USP3: variants seen among roughly 807,000 people sequenced by gnomAD.
The protein encoded by USP3 is ubiquitin carboxyl-terminal hydrolase 3.
Under a neutral mutation model 72.3 loss-of-function variants are expected in USP3, and 20 were observed. That is an observed-to-expected ratio of 0.28 (90% CI 0.19 to 0.40). The LOEUF is 0.40. Ranked by LOEUF, USP3 falls within the 10% of genes least tolerant of loss-of-function variation. USP3 has a pLI of 1.00. For missense variants in USP3, 479 were observed against 633.9 expected (o/e 0.76, Z 2.62); for synonymous variants, 222 against 225.3 (o/e 0.99, Z 0.13).
rs999912263 is a variant in USP3 at position 63,591,909 on chromosome 15, G to C, written c.*1083G>C. ...GTTGGAGTAAGTAAGTGGAGTTTTC[G>C]TTTTGTTTTTTGGGGGTTTTTGGAG... On this transcript the variant is annotated 3_prime_UTR_variant, in exon 15 of 15. Transcript: ENST00000380324. The C allele has an allele frequency of 2.0e-5, 3 of 152,088 alleles. No homozygotes were observed. Among genetic ancestry groups the C allele is most frequent in the Admixed American group, 1.3e-4 (2 of 15,254 alleles). The allele number at this position is 152,088 out of a possible 1,614,324, so 9.4% of individuals were successfully genotyped here.
intron 11 of USP3, among the ~76,000 whole-genome samples, chr15:63,575,065 T>C (rs934990037): frequency 6.6e-6 from 1 of 151,894 alleles, no homozygotes; most frequent in Non-Finnish European, 1.5e-5. Context: ...TCAGAAACTC[T>C]ACACTGAAGC....
intron 11 of USP3, among the ~76,000 whole-genome samples, chr15:63,583,473 A>T (rs530485719): frequency 2.6e-5 from 4 of 152,310 alleles, no homozygotes; most frequent in South Asian, 2.1e-4. Context: ...ACAATTTTTT[A>T]AAAAATTGTG....
At chr15:63,509,431 C>T (rs929653611) in intron 1 of USP3, among the ~76,000 whole-genome samples, 5 of 152,064 alleles carry the variant, frequency 3.3e-5, no homozygotes, top group African/African-American at 9.7e-5. Context: ...AGTCAGTAAA[C>T]GTTGGCTGGA....
At chr15:63,577,804 C>T (rs2066888713) in intron 11 of USP3, among the ~76,000 whole-genome samples, 1 of 151,724 alleles carries the variant, frequency 6.6e-6, no homozygotes, top group African/African-American at 2.4e-5. Flanking sequence ...TGGTATATGC[C>T]TATAATCCCA....
rs559482403 is a variant in USP3, at chr15:63,553,466, A to G, written c.285-249A>G. ...CATGTAGCAGCTTATTTCATTTTCA[A>G]AGGAGGAATTGAAGAGCTTTTGAGT... is the stretch of plus-strand genomic sequence containing the variant. On this transcript the variant is annotated intron_variant, in intron 3 of 14. Coordinates refer to ENST00000380324, the MANE Select transcript of USP3 (RefSeq NM_006537.4). This position sits in a 1 kb window ranked among gnomAD's most constrained non-coding sequence, Gnocchi z 4.2. 7 of 322,420 alleles carry G rather than the reference A, an allele frequency of 2.2e-5. No individual in the cohort carries two copies. Among genetic ancestry groups the G allele is most frequent in the East Asian group, 1.1e-4 (2 of 18,856 alleles). The allele number at this position is 322,420 out of a possible 1,614,324, so 20.0% of individuals were successfully genotyped here. A position where few individuals can be genotyped will look rare whatever the true frequency, so the allele number is the denominator to read the frequency against.
At chr15:63,512,439 CCTTCTTTTTCTTT>C (rs1345710417) in intron 1 of USP3, among the ~76,000 whole-genome samples, 48 of 146,712 alleles carry the variant, frequency 3.3e-4, no homozygotes, top group Non-Finnish European at 2.7e-4. Context: ...CTTCTTTCTT[CCTTCTTTTTCTTT>C]CTTCTTTCTT....
intron 8 of USP3, among the ~76,000 whole-genome samples, chr15:63,566,560 G>A (rs1469802931): frequency 1.3e-5 from 2 of 152,122 alleles, no homozygotes; most frequent in African/African-American, 4.8e-5. Flanking sequence ...TGATCCACCC[G>A]TCTTGGCCTC....
At chr15:63,586,493 G>C (rs75434285) in intron 11 of USP3, 4,372 of 152,298 alleles carry the variant, frequency 0.029, 83 homozygotes, top group Non-Finnish European at 0.034. Flanking sequence ...GCTGAAGAAA[G>C]CACCCATGAC....
intron 1 of USP3, among the ~76,000 whole-genome samples, chr15:63,514,256 G>A (rs74024862): frequency 8.3e-4 from 125 of 151,274 alleles, no homozygotes; most frequent in African/African-American, 2.7e-3. Context: ...TTTTTTCTTC[G>A]AATATATAAT....
chr15:63,588,464 A>G lies in USP3; in HGVS notation c.1215+41A>G. 7.2e-7 allele frequency: 1 copy of G among 1,392,300 alleles called. No individual in the cohort carries two copies. The highest frequency in any genetic ancestry group is 1.2e-5 in the South Asian group (1 of 80,542). The allele number at this position is 1,392,300 out of a possible 1,614,324, so 86.2% of individuals were successfully genotyped here. A position where few individuals can be genotyped will look rare whatever the true frequency, so the allele number is the denominator to read the frequency against. On this transcript the variant is annotated intron_variant, in intron 12 of 14. Coordinates refer to ENST00000380324, the MANE Select transcript of USP3 (RefSeq NM_006537.4). This position sits in a 1 kb window ranked among gnomAD's most constrained non-coding sequence, Gnocchi z 4.6. ...TGAGTTATGAAGCAATTTCAATGGGAAAGTGCTTGACTGCTAAGACCATGT... is the reference window on the plus strand; with the variant it reads ...TGAGTTATGAAGCAATTTCAATGGGGAAGTGCTTGACTGCTAAGACCATGT...
In USP3 at chr15:63,563,437, G is replaced by T. The variant is rs548285161; in HGVS notation, c.761+429G>T. ...TCGGAGCTGAGTTCGGCAGCTCTGG[G>T]AAGGCTGTGGTCAAGCGCCTGGGAT... On this transcript the variant is annotated intron_variant, in intron 8 of 14. Transcript: ENST00000380324. Among the ~76,000 whole-genome samples the T allele has an allele frequency of 1.1e-3, 167 of 152,320 alleles. 1 individual carries two copies. Among genetic ancestry groups the T allele is most frequent in the African/African-American group, 3.9e-3 (164 of 41,560 alleles).
chr15:63,525,850 G>A (rs1392484741), intron 1 of USP3, among the ~76,000 whole-genome samples: 1 of 152,156 alleles, frequency 6.6e-6, no homozygotes, highest in Non-Finnish European at 1.5e-5. Context: ...CCAGTTTTAA[G>A]AGGAATAACA....
At chr15:63,555,336 C>T (rs2066492682) in intron 4 of USP3, among the ~76,000 whole-genome samples, 1 of 152,218 alleles carries the variant, frequency 6.6e-6, no homozygotes, top group Non-Finnish European at 1.5e-5. Context: ...ATTCCGCATG[C>T]CCCGTGGAGC....
At chr15:63,565,320 GC>G (rs1214656488) in intron 8 of USP3, among the ~76,000 whole-genome samples, 1 of 152,010 alleles carries the variant, frequency 6.6e-6, no homozygotes, top group Non-Finnish European at 1.5e-5. Context: ...GAAACTAAAA[GC>G]CAGTTACCTA....
At chr15:63,527,498 G>A (rs984446908) in intron 1 of USP3, among the ~76,000 whole-genome samples, 5 of 152,092 alleles carry the variant, frequency 3.3e-5, no homozygotes, top group African/African-American at 1.2e-4. Flanking sequence ...TGTCATAAGC[G>A]GTCATGTATG....
intron 7 of USP3, 120 bp downstream of exon 7, chr15:63,560,090 A>G: frequency 4.7e-6 from 4 of 853,020 alleles, no homozygotes; most frequent in Non-Finnish European, 7.0e-6. Flanking sequence ...TCTTCTAAAA[A>G]TTGTGTTTAA....
intron 1 of USP3, among the ~76,000 whole-genome samples, chr15:63,531,394 C>G (rs540084795): frequency 2.0e-5 from 3 of 152,188 alleles, no homozygotes; most frequent in African/African-American, 7.2e-5. Flanking sequence ...TAATTGTAAC[C>G]TTTGGAGTCT....
chr15:63,525,427 T>C (rs1300454973), intron 1 of USP3, among the ~76,000 whole-genome samples: 1 of 152,216 alleles, frequency 6.6e-6, no homozygotes. Context: ...CTAACCATCC[T>C]CTTTCAGAAT....
intron 9 of USP3, among the ~76,000 whole-genome samples, chr15:63,572,843 G>T (rs1011969205): frequency 8.5e-5 from 13 of 152,196 alleles, no homozygotes; most frequent in Admixed American, 2.6e-4. Flanking sequence ...AATTGAAAGA[G>T]CTGTGTTAAG....
Sources: allele counts gnomAD v4.1 joint callset (sites outside exome capture counted in the v4.1 genomes callset), GRCh38; gene constraint gnomAD v4.1.1; non-coding constraint Gnocchi (gnomAD v3.1); transcripts MANE v1.5; gene names NCBI Gene and HGNC (gene_info 2026-07-23, HGNC 2026-07-21).